TBX20: variants seen among roughly 807,000 people sequenced by gnomAD.
TBX20 encodes T-box transcription factor TBX20.
Under a neutral mutation model 42.9 loss-of-function variants are expected in TBX20, and 8 were observed. That is an observed-to-expected ratio of 0.19 (90% CI 0.11 to 0.34). The LOEUF is 0.34. Ranked by LOEUF, TBX20 falls within the 10% of genes least tolerant of loss-of-function variation. TBX20 has a pLI of 1.00. For missense variants in TBX20, 411 were observed against 566.0 expected (o/e 0.73, Z 2.78); for synonymous variants, 198 against 222.8 (o/e 0.89, Z 0.99).
Position 35,249,751 on chromosome 7 carries a change from T to A in TBX20, c.380+200A>T, listed in dbSNP as rs558720332. Among the ~76,000 whole-genome samples the A allele has an allele frequency of 6.6e-6, 1 of 152,172 alleles. No homozygotes were observed. The highest frequency in any genetic ancestry group is 1.5e-5 in the Non-Finnish European group (1 of 68,028). ...AACAAAGCCAGGGTGGGGCTTCCCA[T>A]GACCAAATCCTGAGAACGCAAATGA... is the stretch of plus-strand genomic sequence containing the variant. On this transcript the variant is annotated intron_variant, in intron 2 of 7. Coordinates refer to ENST00000408931, the MANE Select transcript of TBX20 (RefSeq NM_001077653.2). This position sits in a 1 kb window ranked among gnomAD's most constrained non-coding sequence, Gnocchi z 4.3.
chr7:35,208,719 G>T (rs1436594745), intron 6 of TBX20, among the ~76,000 whole-genome samples: 2 of 110,918 alleles, frequency 1.8e-5, no homozygotes, highest in Admixed American at 2.7e-4. Flanking sequence ...TCCAGCCTGG[G>T]CAACAAGAGC....
intron 5 of TBX20, among the ~76,000 whole-genome samples, chr7:35,236,840 A>T (rs1313619085): frequency 6.6e-6 from 1 of 152,238 alleles, no homozygotes; most frequent in Non-Finnish European, 1.5e-5. Context: ...ATGAAATGAC[A>T]TACTAATCAT....
At chr7:35,231,605 A>G (rs1394826922) in intron 5 of TBX20, 25 bp from the exon 6 acceptor site, 17 of 1,486,150 alleles carry the variant, frequency 1.1e-5, no homozygotes, top group East Asian at 2.3e-5. Context: ...GGTACAAAAC[A>G]GTATCATTTA....
At chr7:35,233,680 G>C (rs1247964262) in intron 5 of TBX20, among the ~76,000 whole-genome samples, 5 of 152,164 alleles carry the variant, frequency 3.3e-5, no homozygotes, top group Non-Finnish European at 7.4e-5. Flanking sequence ...CCAGGCAATT[G>C]ATACAGTCTA....
intron 6 of TBX20, among the ~76,000 whole-genome samples, chr7:35,210,619 C>T (rs1789481885): frequency 6.6e-6 from 1 of 152,034 alleles, no homozygotes; most frequent in Non-Finnish European, 1.5e-5. Context: ...GTATATTACC[C>T]TTGAAGAATG....
At chr7:35,244,095 TTATG>T (rs1311360109) in intron 4 of TBX20, among the ~76,000 whole-genome samples, 3 of 152,250 alleles carry the variant, frequency 2.0e-5, no homozygotes, top group African/African-American at 4.8e-5. Flanking sequence ...TGTACAATTA[TTATG>T]TATCAATTAA....
intron 4 of TBX20, among the ~76,000 whole-genome samples, chr7:35,242,245 T>C (rs759341948): frequency 1.3e-5 from 2 of 152,230 alleles, no homozygotes; most frequent in Admixed American, 6.5e-5. Context: ...TGTGCTGAGA[T>C]GTAAGCCAGC....
intron 6 of TBX20, among the ~76,000 whole-genome samples, chr7:35,209,444 T>C (rs1463624467): frequency 6.6e-6 from 1 of 152,202 alleles, no homozygotes; most frequent in African/African-American, 2.4e-5. Context: ...GTTAACATTT[T>C]AATTGTAAGT....
At chr7:35,216,350 C>T (rs1789589637) in intron 6 of TBX20, among the ~76,000 whole-genome samples, 1 of 152,144 alleles carries the variant, frequency 6.6e-6, no homozygotes, top group Non-Finnish European at 1.5e-5. Context: ...TTTGCTGGAG[C>T]AAGTCTGCAT....
Position 35,249,456 on chromosome 7 carries a change from A to T in TBX20, c.380+495T>A, listed in dbSNP as rs1244405964. Among the ~76,000 whole-genome samples the T allele has an allele frequency of 6.6e-6, 1 of 152,166 alleles. No individual in the cohort carries two copies. The highest frequency in any genetic ancestry group is 2.4e-5 in the African/African-American group (1 of 41,446). ...GAGGCCCCGAGCAGTGCTCCTTCCT[A>T]CAGGGAATTTTATCGTTTCAAATTT... is the stretch of plus-strand genomic sequence containing the variant. On this transcript the variant is annotated intron_variant, in intron 2 of 7. Coordinates refer to ENST00000408931, the MANE Select transcript of TBX20 (RefSeq NM_001077653.2). This position sits in a 1 kb window ranked among gnomAD's most constrained non-coding sequence, Gnocchi z 4.3.
intron 4 of TBX20, among the ~76,000 whole-genome samples, chr7:35,242,228 C>T (rs1163229356): frequency 2.0e-5 from 3 of 152,134 alleles, no homozygotes; most frequent in African/African-American, 4.8e-5. Context: ...TATAATCGCT[C>T]GCTCTCTGTG....
chr7:35,247,970 G>A (rs1441208757), intron 3 of TBX20, among the ~76,000 whole-genome samples: 2 of 152,144 alleles, frequency 1.3e-5, no homozygotes, highest in Non-Finnish European at 2.9e-5. Flanking sequence ...AGGTTTGCAT[G>A]TGCTTTTTTA....
At chr7:35,238,867 C>G (rs1388776763) in intron 5 of TBX20, among the ~76,000 whole-genome samples, 3 of 130,030 alleles carry the variant, frequency 2.3e-5, no homozygotes, top group African/African-American at 8.0e-5. Flanking sequence ...ATTAATTTCT[C>G]TATCTCATTA....
intron 4 of TBX20, among the ~76,000 whole-genome samples, chr7:35,242,094 GC>G (rs1377488020): frequency 2.0e-5 from 3 of 152,112 alleles, no homozygotes; most frequent in Admixed American, 2.0e-4. Flanking sequence ...TCTGCTGGTT[GC>G]TGCTGCTAGT....
chr7:35,238,274 T>TA (rs1790006881), intron 5 of TBX20, among the ~76,000 whole-genome samples: 2 of 152,176 alleles, frequency 1.3e-5, no homozygotes, highest in Non-Finnish European at 2.9e-5. Context: ...CGCCAACACT[T>TA]ACGCAGTCTT....
chr7:35,206,111 T>C (rs958298785), intron 6 of TBX20, among the ~76,000 whole-genome samples: 2 of 152,240 alleles, frequency 1.3e-5, no homozygotes, highest in Non-Finnish European at 2.9e-5. Context: ...AGAGGTTGCC[T>C]CTGCAGGGTG....
chr7:35,244,930 T>A lies in TBX20; in HGVS notation c.654+19A>T. On this transcript the variant is annotated intron_variant, in intron 4 of 7. Coordinates refer to ENST00000408931, the MANE Select transcript of TBX20 (RefSeq NM_001077653.2). ...ATTCTACCTCAGGGAACCTGCACAG[T>A]CCAAGGCATGGTACTTACATGGCCA... 1 of 1,587,136 alleles carries A rather than the reference T, an allele frequency of 6.3e-7. No homozygotes were observed. Among genetic ancestry groups the A allele is most frequent in the Non-Finnish European group, 8.7e-7 (1 of 1,155,546 alleles).
intron 6 of TBX20, among the ~76,000 whole-genome samples, chr7:35,214,968 T>G (rs1468420039): frequency 3.3e-5 from 5 of 152,226 alleles, no homozygotes; most frequent in Non-Finnish European, 7.3e-5. Context: ...ACATAACTGC[T>G]AAATTCATGC....
chr7:35,213,644 G>A (rs1789533659), intron 6 of TBX20, among the ~76,000 whole-genome samples: 1 of 151,960 alleles, frequency 6.6e-6, no homozygotes, highest in South Asian at 2.1e-4. Flanking sequence ...TTTATGTATG[G>A]TAAGCAGTGC....
Sources: gnomAD v4.1 joint callset for allele counts (sites outside exome capture counted in the v4.1 genomes callset) on GRCh38, gnomAD v4.1.1 for gene constraint, Gnocchi (gnomAD v3.1) non-coding constraint, MANE v1.5 for transcripts, NCBI Gene and HGNC (gene_info 2026-07-23, HGNC 2026-07-21) for gene names.